Variants in FOXN3 observed in about 807,000 individuals in gnomAD.
FOXN3 encodes the protein forkhead box protein N3.
Under a neutral mutation model 38.4 loss-of-function variants are expected in FOXN3, and 7 were observed. That is an observed-to-expected ratio of 0.18 (90% confidence interval 0.10 to 0.34). FOXN3 has a LOEUF of 0.34. Ranked by LOEUF, FOXN3 falls within the 10% of genes least tolerant of loss-of-function variation. FOXN3 has a pLI of 1.00. For missense variants in FOXN3, 456 were observed against 613.4 expected, an observed-to-expected ratio of 0.74 and a Z score of 2.71; for synonymous variants, 230 against 242.2, an observed-to-expected ratio of 0.95 and a Z score of 0.47.
intron 4 of FOXN3, among the ~76,000 whole-genome samples, chr14:89,191,862 C>T (rs981242136): frequency 2.7e-5 from 4 of 149,404 alleles, no homozygotes; most frequent in Admixed American, 6.7e-5. Context: ...TTAATAAGTA[C>T]ATTATATGAG....
chr14:89,185,534 C>T (rs1049882532), intron 4 of FOXN3: 2 of 152,218 alleles, frequency 1.3e-5, no homozygotes, highest in Non-Finnish European at 2.9e-5. Context: ...CAATCTGACG[C>T]ACCTGATGTA....
chr14:89,391,050 A>G (rs1890930764), intron 2 of FOXN3, among the ~76,000 whole-genome samples: 1 of 152,218 alleles, frequency 6.6e-6, no homozygotes, highest in Admixed American at 6.5e-5. Context: ...GAGGACCGGC[A>G]TACAGAAAAC....
intron 1 of FOXN3, among the ~76,000 whole-genome samples, chr14:89,424,005 C>G (rs1366869216): frequency 6.6e-6 from 1 of 152,120 alleles, no homozygotes; most frequent in East Asian, 1.9e-4. Flanking sequence ...GCATTTATGC[C>G]TGGCAGAAGA....
Position 89,511,181 on chromosome 14 carries a change from CTTTCTTTCT to C in FOXN3, c.-14-98700_-14-98692del, listed in dbSNP as rs1305218157. The stretch of plus-strand genomic sequence containing the variant: ...TCTTTCTTTCTTTCTTTCTTTCTTT[CTTTCTTTCT>C]TTTCTTTCTTTCTTTTCTTTCTTTC... On this transcript the variant is annotated intron_variant, in intron 1 of 6. Transcript: ENST00000345097. Among the ~76,000 whole-genome samples, 330 of 35,094 alleles carry C rather than the reference CTTTCTTTCT, an allele frequency of 9.4e-3. 18 individuals are homozygous for C. Among genetic ancestry groups the C allele is most frequent in the African/African-American group, 0.018 (308 of 16,710 alleles). The allele number at this position is 35,094 out of a possible 152,430, so 23.0% of individuals were successfully genotyped here.
chr14:89,216,132 G>A (rs1488480216), intron 4 of FOXN3, among the ~76,000 whole-genome samples: 1 of 152,130 alleles, frequency 6.6e-6, no homozygotes, highest in Non-Finnish European at 1.5e-5. Flanking sequence ...TAGGAAAGTT[G>A]GTTAACAGGC....
At position 89,514,213 on chromosome 14, in the gene FOXN3, C is replaced by G. The variant is rs991591849; in HGVS notation, c.-14-101723G>C. On this transcript the variant is annotated intron_variant, in intron 1 of 6. Coordinates refer to the FOXN3 transcript ENST00000345097. ...GAAGTTGTCCTAAGGGCTGGGGAAC[C>G]AAGCCTTCCACTCCTGCTGCACAGG... Among the ~76,000 whole-genome samples the G allele has an allele frequency of 1.6e-4, 25 of 152,174 alleles. 1 individual carries two copies. The highest frequency in any genetic ancestry group is 5.3e-4 in the African/African-American group (22 of 41,434).
At chr14:89,168,358 G>T (rs577258499) in intron 5 of FOXN3, among the ~76,000 whole-genome samples, 41 of 152,304 alleles carry the variant, frequency 2.7e-4, no homozygotes, top group African/African-American at 9.9e-4. Flanking sequence ...TCAATGCAAA[G>T]TGTGGTGGCT....
At chr14:89,294,463 C>T (rs901690217) in intron 3 of FOXN3, among the ~76,000 whole-genome samples, 1 of 152,144 alleles carries the variant, frequency 6.6e-6, no homozygotes, top group Admixed American at 6.5e-5. Flanking sequence ...GGCGTCTGAA[C>T]CACAGCAACT....
intron 2 of FOXN3, among the ~76,000 whole-genome samples, chr14:89,390,241 T>C (rs1214203354): frequency 6.7e-6 from 1 of 148,856 alleles, no homozygotes; most frequent in East Asian, 2.0e-4. Context: ...AAAAAAAATA[T>C]GCACTGGGCA....
chr14:89,184,331 C>T (rs956863004), intron 4 of FOXN3, among the ~76,000 whole-genome samples: 6 of 152,166 alleles, frequency 3.9e-5, no homozygotes, highest in East Asian at 1.9e-4. Context: ...AGTTAGGGAG[C>T]GCAAGTTCTT....
intron 5 of FOXN3, among the ~76,000 whole-genome samples, chr14:89,166,152 G>A (rs545816793): frequency 6.6e-6 from 1 of 152,256 alleles, no homozygotes; most frequent in South Asian, 2.1e-4. Flanking sequence ...GTTTTAGGGA[G>A]GGGGAGAAAT....
intron 1 of FOXN3, among the ~76,000 whole-genome samples, chr14:89,415,847 T>TCTACACACACACACACACACACACACAC (rs1891687479): frequency 7.1e-6 from 1 of 140,416 alleles, no homozygotes; most frequent in Admixed American, 7.0e-5. Flanking sequence ...AACTTTTCTC[T>TCTACACACACACACACACACACACACAC]ACACACACAC....
intron 2 of FOXN3, among the ~76,000 whole-genome samples, chr14:89,384,900 G>A (rs981156841): frequency 2.0e-4 from 30 of 152,304 alleles, no homozygotes; most frequent in Middle Eastern, 3.4e-3. Flanking sequence ...GTTGCTGTAC[G>A]TGTTGTAAAT....
intron 1 of FOXN3, among the ~76,000 whole-genome samples, chr14:89,469,541 T>C (rs1465756638): frequency 6.6e-6 from 1 of 152,260 alleles, no homozygotes; most frequent in Non-Finnish European, 1.5e-5. Context: ...GAGTTCATGT[T>C]GTGACTGGGC....
intron 1 of FOXN3, among the ~76,000 whole-genome samples, chr14:89,575,885 G>A (rs1895602795): frequency 6.6e-6 from 1 of 152,216 alleles, no homozygotes; most frequent in African/African-American, 2.4e-5. Flanking sequence ...CAGCGCCTGT[G>A]AAACTCTTCA....
intron 1 of FOXN3, among the ~76,000 whole-genome samples, chr14:89,556,539 T>C (rs973672288): frequency 6.6e-6 from 1 of 151,932 alleles, no homozygotes; most frequent in Admixed American, 6.6e-5. Context: ...CCCCTGGAGA[T>C]CTGGTATCTT....
rs147608534 is a variant in FOXN3, at chr14:89,547,820, A to G, written c.-15+71208T>C. ...TGATCACTGCCTGAATTAACTGATT[A>G]TTTAAATAATGCCTAACTGAAGTTC... On this transcript the variant is annotated intron_variant, in intron 1 of 6. Transcript: ENST00000345097. 4.1e-3 allele frequency among the ~76,000 whole-genome samples: 629 copies of G among 152,330 alleles called. 3 individuals are homozygous for G. Among genetic ancestry groups the G allele is most frequent in the Middle Eastern group, 0.01 (3 of 294 alleles).
rs1385526944 is a variant in FOXN3, at chr14:89,360,711, AG to A, written c.544-9904del. On this transcript the variant is annotated intron_variant, in intron 2 of 5. Transcript: ENST00000557258. Reference sequence around the variant, plus strand: ...CTCATCCTCAGCTACCACCACCTCCAGCACTACCTCCACCACCACCACCTCC... The same window carrying A: ...CTCATCCTCAGCTACCACCACCTCCACACTACCTCCACCACCACCACCTCC... Among the ~76,000 whole-genome samples, 34 of 145,208 alleles carry A rather than the reference AG, an allele frequency of 2.3e-4. 1 individual carries two copies. The East Asian group carries it at 2.5e-3, about 11-fold the overall frequency.
At chr14:89,238,716 T>G (rs1355027874) in intron 4 of FOXN3, among the ~76,000 whole-genome samples, 1 of 152,216 alleles carries the variant, frequency 6.6e-6, no homozygotes, top group African/African-American at 2.4e-5. Flanking sequence ...TTTAACGAAT[T>G]AGCCAAAATA....
Sources: allele counts gnomAD v4.1 joint callset (sites outside exome capture counted in the v4.1 genomes callset), GRCh38; gene constraint gnomAD v4.1.1; transcripts MANE v1.5; gene names NCBI Gene and HGNC (gene_info 2026-07-23, HGNC 2026-07-21).